Variants in RECK observed in about 807,000 individuals in gnomAD.
The protein encoded by RECK is reversion inducing cysteine rich protein with kazal motifs, also known as reversion-inducing cysteine-rich protein with Kazal motifs.
In RECK, 69 loss-of-function variants were observed where a neutral mutation model predicts 115.1. The ratio of observed to expected loss-of-function variants is 0.60; its 90% CI spans 0.49 to 0.73. RECK has a LOEUF of 0.73. RECK is among the 30% of genes least tolerant of loss of function. The probability of loss-of-function intolerance (pLI) is 0.00; values close to 1 mark genes in which losing one functional copy is unlikely to be tolerated. For synonymous variants in RECK, 414 were observed against 419.7 expected, an observed-to-expected ratio of 0.99 and a Z score of 0.17; for missense variants, 1,047 against 1,203.7, an observed-to-expected ratio of 0.87 and a Z score of 1.93.
At position 36,102,138 on chromosome 9, in the gene RECK, A is replaced by G; in HGVS notation, c.1343A>G (p.Lys448Arg). The change falls in exon 12 of 21, where the codon AAA becomes AGA. Residue 448 changes from lysine to arginine, a missense_variant. Transcript: ENST00000377966. ...CTTAAAAAATGTGGAGACCAGAACA[A>G]ATTCCCTGAAGACCACACAGCTGAA... ...EILKKCGDQN[K>R]FPEDHTAESI... The G allele has an allele frequency of 1.9e-6, 3 of 1,613,936 alleles. No homozygotes were observed. The highest frequency in any genetic ancestry group is 2.5e-6 in the Non-Finnish European group (3 of 1,179,894).
Position 36,107,988 on chromosome 9 carries a change from G to A in RECK, c.1589G>A (p.Gly530Glu), listed in dbSNP as rs1420782718. Residue 530 changes from glycine (G) to glutamate (E), a missense_variant, in exon 14 of 21, where the codon GGA (glycine) becomes GAA (glutamate). By Grantham distance (98) the Gly-to-Glu change is moderately conservative. Coordinates refer to ENST00000377966, the MANE Select transcript of RECK (RefSeq NM_021111.3). ...PYFCVQGCKL[G>E]EASDFIVRQG... is the part of the protein sequence containing the mutation. ...TTTGCTTGTACAGGTTGCAAACTGG[G>A]AGAAGCTTCTGATTTCATTGTCCGT... 1 of 1,611,730 alleles carries A rather than the reference G, an allele frequency of 6.2e-7. No individual in the cohort carries two copies. Among genetic ancestry groups the A allele is most frequent in the Admixed American group, 1.7e-5 (1 of 59,500 alleles).
intron 16 of RECK, among the ~76,000 whole-genome samples, chr9:36,115,823 A>G (rs922088339): frequency 6.6e-6 from 1 of 152,148 alleles, no homozygotes; most frequent in African/African-American, 2.4e-5. Flanking sequence ...AAATTTATAT[A>G]CCTTAGTACT....
intron 13 of RECK, among the ~76,000 whole-genome samples, chr9:36,106,356 T>C (rs965474762): frequency 2.7e-5 from 4 of 150,542 alleles, no homozygotes; most frequent in African/African-American, 9.8e-5. Context: ...TGCCTCAGCC[T>C]CCCAAATAGC....
chr9:36,067,966 A>T (rs988693181), intron 6 of RECK, among the ~76,000 whole-genome samples: 2 of 152,202 alleles, frequency 1.3e-5, no homozygotes, highest in African/African-American at 4.8e-5. Flanking sequence ...TGGCTTATGC[A>T]GGAGGAAAAG....
Position 36,122,955 on chromosome 9 carries a change from G to A in RECK, c.2826G>A (p.Ser942=), listed in dbSNP as rs769615023. The A allele has an allele frequency of 1.5e-5, 25 of 1,613,992 alleles. No individual in the cohort carries two copies. In the East Asian group the frequency reaches 2.2e-4, roughly 14 times the overall value. Residue 942 remains serine (S), a synonymous_variant, in exon 21 of 21, where the codon TCG becomes TCA. Transcript: ENST00000377966. ...TACAGGTCTCCAGCAGTGTGCCATC[G>A]GCCGGTGTCAGGGCCAGGCCTTCTT... is the stretch of plus-strand genomic sequence containing the variant. ...SQVQVSSSVP[S]AGVRARPSCH... is the part of the protein sequence containing the mutation.
chr9:36,106,826 C>T (rs929539528), intron 13 of RECK, among the ~76,000 whole-genome samples: 1 of 151,588 alleles, frequency 6.6e-6, no homozygotes, highest in African/African-American at 2.4e-5. Flanking sequence ...ATTCAGGGGC[C>T]GGGCGCAGTG....
At chr9:36,078,289 G>T (rs76361447) in intron 6 of RECK, among the ~76,000 whole-genome samples, 3,805 of 152,294 alleles carry the variant, frequency 0.025, 168 homozygotes, top group African/African-American at 0.087. Flanking sequence ...CATTTCGCAG[G>T]TTTTATCTCC....
intron 2 of RECK, among the ~76,000 whole-genome samples, chr9:36,056,701 A>C (rs1005128973): frequency 3.9e-5 from 6 of 152,158 alleles, no homozygotes; most frequent in African/African-American, 1.4e-4. Flanking sequence ...TTTTAATTTT[A>C]TTTAATTTTA....
chr9:36,109,874 C>A, intron 14 of RECK, 83 bp from the exon 15 acceptor site: 30 of 1,203,996 alleles, frequency 2.5e-5, no homozygotes, highest in Non-Finnish European at 3.2e-5. Flanking sequence ...CATTTTAAAA[C>A]TTGTTGAACT....
intron 2 of RECK, 39 bp downstream of exon 2, chr9:36,052,362 G>A (rs909737446): frequency 6.8e-7 from 1 of 1,467,366 alleles, no homozygotes; most frequent in Non-Finnish European, 9.5e-7. Flanking sequence ...GCCAGACACA[G>A]TGGTTCATGC....
chr9:36,054,630 A>C (rs936545387), intron 2 of RECK, among the ~76,000 whole-genome samples: 9 of 152,194 alleles, frequency 5.9e-5, no homozygotes, highest in African/African-American at 2.2e-4. Context: ...CTAACACTCA[A>C]AACTCTCAAT....
At chr9:36,095,501 C>T (rs904887432) in intron 10 of RECK, among the ~76,000 whole-genome samples, 2 of 152,150 alleles carry the variant, frequency 1.3e-5, no homozygotes, top group Admixed American at 6.6e-5. Context: ...ATACCAAAAC[C>T]GACATGGACA....
At chr9:36,078,036 T>C (rs1822521807) in intron 6 of RECK, among the ~76,000 whole-genome samples, 2 of 151,884 alleles carry the variant, frequency 1.3e-5, no homozygotes, top group South Asian at 4.2e-4. Flanking sequence ...AATTTTTTAA[T>C]TTAAAAAAGT....
At chr9:36,041,717 C>A (rs1820872374) in intron 1 of RECK, among the ~76,000 whole-genome samples, 1 of 151,314 alleles carries the variant, frequency 6.6e-6, no homozygotes, top group Non-Finnish European at 1.5e-5. Context: ...CTTTATCTCA[C>A]ATGGCTTCTC....
chr9:36,092,902 AAAG>A (rs1823216734), intron 10 of RECK, among the ~76,000 whole-genome samples: 3 of 152,254 alleles, frequency 2.0e-5, no homozygotes, highest in Admixed American at 2.0e-4. Context: ...GGAACCACAA[AAAG>A]AAATGTCCCA....
chr9:36,107,624 T>A (rs10972724), intron 13 of RECK, among the ~76,000 whole-genome samples: 11,682 of 145,824 alleles, frequency 0.08, 583 homozygotes, highest in South Asian at 0.16. Flanking sequence ...AAAAAAAAAA[T>A]ACTGTTAGTT....
chr9:36,119,057 T>C, intron 18 of RECK, 90 bp downstream of exon 18: 3 of 1,290,042 alleles, frequency 2.3e-6, no homozygotes, highest in Non-Finnish European at 3.3e-6. Context: ...AGAGAGCTCA[T>C]TTACGTTTTT....
intron 6 of RECK, among the ~76,000 whole-genome samples, chr9:36,067,400 G>C (rs966247652): frequency 1.4e-4 from 21 of 152,162 alleles, no homozygotes; most frequent in African/African-American, 5.1e-4. Flanking sequence ...TTTATGTATA[G>C]TTTGATTTGA....
At chr9:36,060,750 TTC>T (rs1821723663) in intron 4 of RECK, among the ~76,000 whole-genome samples, 1 of 152,186 alleles carries the variant, frequency 6.6e-6, no homozygotes, top group Non-Finnish European at 1.5e-5. Context: ...ATCTCATTCC[TTC>T]CCAGAACTGT....
Sources: gnomAD v4.1 joint callset for allele counts (sites outside exome capture counted in the v4.1 genomes callset) on GRCh38, gnomAD v4.1.1 for gene constraint, MANE v1.5 for transcripts, NCBI Gene and HGNC (gene_info 2026-07-23, HGNC 2026-07-21) for gene names.